NOD1: variants seen among roughly 807,000 people sequenced by gnomAD.
NOD1 encodes the protein nucleotide binding oligomerization domain containing 1.
A neutral mutation model predicts 81.2 loss-of-function variants in NOD1; 70 were observed. The ratio of observed to expected loss-of-function variants is 0.86; its 90% CI spans 0.71 to 1.05. NOD1 has a LOEUF of 1.05. Ranked by LOEUF, NOD1 falls within the 50% of genes least tolerant of loss-of-function variation. NOD1 has a pLI of 0.00. For synonymous variants in NOD1, 508 were observed against 526.9 expected, an observed-to-expected ratio of 0.96 and a Z score of 0.49; for missense variants, 1,233 against 1,228.0, an observed-to-expected ratio of 1.00 and a Z score of -0.06.
At chr7:30,461,986 C>A (rs1379933969) in intron 1 of NOD1, among the ~76,000 whole-genome samples, 2 of 152,194 alleles carry the variant, frequency 1.3e-5, no homozygotes, top group African/African-American at 2.4e-5. Flanking sequence ...GATCCACCCA[C>A]CTCGGCCTCC....
At chr7:30,436,739 CCT>C (rs1329715376) in intron 10 of NOD1, among the ~76,000 whole-genome samples, 3 of 152,186 alleles carry the variant, frequency 2.0e-5, no homozygotes, top group Non-Finnish European at 2.9e-5. Context: ...CTGGAAATGT[CCT>C]CTGTCTTGAT....
At chr7:30,456,012 G>C (rs1786332373) in intron 4 of NOD1, among the ~76,000 whole-genome samples, 2 of 152,214 alleles carry the variant, frequency 1.3e-5, no homozygotes, top group South Asian at 4.1e-4. Context: ...CACAGTAGGA[G>C]GGCGATAGGC....
Position 30,452,895 on chromosome 7 carries a change from C to G in NOD1, c.522G>C (p.Leu174=), listed in dbSNP as rs1785940255. 4 of 1,613,952 alleles carry G rather than the reference C, an allele frequency of 2.5e-6. No individual in the cohort carries two copies. The highest frequency in any genetic ancestry group is 3.4e-6 in the Non-Finnish European group (4 of 1,180,040). The change falls in exon 6 of 14, where the codon CTG becomes CTC. Residue 174 remains leucine (L), a synonymous_variant. Coordinates refer to ENST00000222823, the MANE Select transcript of NOD1 (RefSeq NM_006092.4). The stretch of plus-strand genomic sequence containing the variant: ...GGCAGGCCAGGCTGTTCAGGCTGCC[C>G]AGGCTCTCATTGCTGAAGCCAACCA... ...MELVGFSNES[L]GSLNSLACLL...
chr7:30,469,305 T>A, intron 1 of NOD1: 1 of 924,506 alleles, frequency 1.1e-6, no homozygotes, highest in Non-Finnish European at 1.3e-6. Flanking sequence ...TCACTGACTT[T>A]AAGTATCTGA....
intron 1 of NOD1, among the ~76,000 whole-genome samples, chr7:30,477,702 A>G (rs1216798147): frequency 1.6e-5 from 2 of 123,636 alleles, no homozygotes; most frequent in South Asian, 2.5e-4. Flanking sequence ...TTTTTTTTTT[A>G]GTAGAGACGG....
intron 1 of NOD1, among the ~76,000 whole-genome samples, chr7:30,461,195 A>G (rs924263931): frequency 1.3e-5 from 2 of 152,162 alleles, no homozygotes; most frequent in East Asian, 3.8e-4. Flanking sequence ...ATTTTTTGAG[A>G]TGAAGTCTCA....
chr7:30,429,868 A>G (rs1198572955), intron 12 of NOD1, among the ~76,000 whole-genome samples: 2 of 152,162 alleles, frequency 1.3e-5, no homozygotes, highest in Non-Finnish European at 2.9e-5. Context: ...AAAATACAAA[A>G]AAATTAGCTG....
intron 9 of NOD1, among the ~76,000 whole-genome samples, chr7:30,438,869 G>C (rs2970500): frequency 0.2 from 31,103 of 152,174 alleles, 3,690 homozygotes; most frequent in Admixed American, 0.28. Context: ...GAAAGTGAGA[G>C]AGCTTAACTG....
chr7:30,456,095 C>A (rs748036649), intron 4 of NOD1, among the ~76,000 whole-genome samples: 1 of 152,224 alleles, frequency 6.6e-6, no homozygotes, highest in African/African-American at 2.4e-5. Context: ...ACAAAGCACA[C>A]GAGTGTGCTA....
At chr7:30,471,340 GC>G (rs1248641382) in intron 1 of NOD1, among the ~76,000 whole-genome samples, 3 of 152,202 alleles carry the variant, frequency 2.0e-5, no homozygotes, top group Admixed American at 6.5e-5. Flanking sequence ...TAAGCAGAAG[GC>G]CTGCCCAACC....
intron 3 of NOD1, among the ~76,000 whole-genome samples, chr7:30,457,284 C>T (rs1185626578): frequency 6.6e-6 from 1 of 152,042 alleles, no homozygotes; most frequent in Admixed American, 6.6e-5. Flanking sequence ...AGACACCCAT[C>T]TCTACAAAAA....
chr7:30,451,168 C>A lies in NOD1; in HGVS notation c.2201+48G>T. The A allele has an allele frequency of 6.3e-7, 1 of 1,582,038 alleles. No individual in the cohort carries two copies. The highest frequency in any genetic ancestry group is 8.6e-7 in the Non-Finnish European group (1 of 1,164,086). On this transcript the variant is annotated intron_variant, in intron 6 of 13. Coordinates refer to ENST00000222823, the MANE Select transcript of NOD1 (RefSeq NM_006092.4). The surrounding 1 kb of genome is among the most constrained non-coding windows in gnomAD (Gnocchi z 4.2). ...GATGCCATTCCCGATGCCCTCCGAG[C>A]CTGGCCCGCCCGGCCCACCTGTTGC...
At chr7:30,472,999 T>C (rs534746979) in intron 1 of NOD1, among the ~76,000 whole-genome samples, 1 of 152,328 alleles carries the variant, frequency 6.6e-6, no homozygotes, top group East Asian at 1.9e-4. Context: ...TGAATTAACA[T>C]GTTGCAGAAT....
intron 3 of NOD1, among the ~76,000 whole-genome samples, chr7:30,458,278 C>T (rs1244161944): frequency 2.0e-5 from 3 of 151,984 alleles, no homozygotes; most frequent in East Asian, 1.9e-4. Context: ...GGAATACTTG[C>T]GTGTGTAAAA....
Position 30,452,463 on chromosome 7 carries a change from G to A in NOD1, c.954C>T (p.Leu318=). ...AHPLVLLANL[L]SGKLLKGASK... ...TAGCCCCCTTGAGCAGCTTCCCACT[G>A]AGCAGGTTGGCCAGCAAGACCAGGG... Residue 318 remains leucine (L), a synonymous_variant, in exon 6 of 14, where the codon CTC becomes CTT. Coordinates refer to ENST00000222823, the MANE Select transcript of NOD1 (RefSeq NM_006092.4). The A allele has an allele frequency of 6.2e-7, 1 of 1,613,328 alleles. No homozygotes were observed. Among genetic ancestry groups the A allele is most frequent in the Non-Finnish European group, 8.5e-7 (1 of 1,179,950 alleles).
chr7:30,448,114 C>A, intron 7 of NOD1, 184 bp downstream of exon 7: 1 of 598,220 alleles, frequency 1.7e-6, no homozygotes. Context: ...GAGGCTGAGG[C>A]TCAGCAAGAC....
chr7:30,436,173 G>T (rs1338060669), intron 10 of NOD1, 92 bp from the exon 11 acceptor site: 2 of 1,034,098 alleles, frequency 1.9e-6, no homozygotes, highest in South Asian at 1.4e-5. Context: ...GCCTCTGCCT[G>T]GCTGTGGCCC....
intron 1 of NOD1, chr7:30,460,730 G>A: frequency 1.0e-6 from 1 of 966,182 alleles, no homozygotes; most frequent in Non-Finnish European, 1.2e-6. Flanking sequence ...AGCCCCGAAG[G>A]GAGCTGGGGG....
At chr7:30,474,179 TAGG>T (rs1245496470) in intron 1 of NOD1, among the ~76,000 whole-genome samples, 1 of 152,122 alleles carries the variant, frequency 6.6e-6, no homozygotes, top group Non-Finnish European at 1.5e-5. Context: ...GTCACACAAC[TAGG>T]AGAAGGAAAG....
Sources: gnomAD v4.1 joint callset for allele counts (sites outside exome capture counted in the v4.1 genomes callset) on GRCh38, gnomAD v4.1.1 for gene constraint, Gnocchi (gnomAD v3.1) non-coding constraint, MANE v1.5 for transcripts, NCBI Gene and HGNC (gene_info 2026-07-23, HGNC 2026-07-21) for gene names.